The following ZW10 variants were observed in gnomAD, a reference collection of about 807,000 sequenced individuals.
ZW10 encodes zw10 kinetochore protein, also known as centromere/kinetochore protein zw10 homolog.
ZW10 carries 53 observed loss-of-function variants against 87.8 expected under a neutral mutation model. That is an observed-to-expected ratio of 0.60 (90% CI 0.48 to 0.76). The LOEUF (loss-of-function observed/expected upper bound fraction) is 0.76, where lower values mean the gene tolerates loss of function less well. ZW10 is among the 30% of genes least tolerant of loss of function. ZW10 has a pLI of 0.00. For missense variants in ZW10, 837 were observed against 923.0 expected (o/e 0.91, Z 1.21); for synonymous variants, 312 against 329.2 (o/e 0.95, Z 0.57).
chr11:113,742,596 A>C (rs1210650744), intron 10 of ZW10, among the ~76,000 whole-genome samples: 1 of 152,220 alleles, frequency 6.6e-6, no homozygotes, highest in African/African-American at 2.4e-5. Flanking sequence ...AGTGGAAAGA[A>C]TGTCCATAGA....
intron 2 of ZW10, 44 bp from the exon 3 acceptor site, chr11:113,760,962 C>A (rs757070329): frequency 6.7e-7 from 1 of 1,493,460 alleles, no homozygotes; most frequent in Non-Finnish European, 9.2e-7. Flanking sequence ...CTATACCATA[C>A]CTAAGAAATA....
intron 6 of ZW10, 100 bp from the exon 7 acceptor site, chr11:113,757,953 A>G: frequency 1.0e-6 from 1 of 960,220 alleles, no homozygotes; most frequent in Non-Finnish European, 1.5e-6. Flanking sequence ...TGGGAGGCCG[A>G]GGCAGGTGGA....
intron 1 of ZW10, chr11:113,769,741 C>T: frequency 3.5e-5 from 15 of 422,706 alleles, no homozygotes; most frequent in South Asian, 2.9e-4. Context: ...AGGATTAATG[C>T]CTGTGGTTTC....
At chr11:113,773,231 C>T (rs1396056166) in intron 1 of ZW10, among the ~76,000 whole-genome samples, 1 of 151,924 alleles carries the variant, frequency 6.6e-6, no homozygotes, top group Non-Finnish European at 1.5e-5. Flanking sequence ...CTGGTCTCTT[C>T]AGTCTCCCTC....
In ZW10 at chr11:113,733,677, T is replaced by A; in HGVS notation, c.*17A>T. On this transcript the variant is annotated 3_prime_UTR_variant, in exon 16 of 16. Transcript: ENST00000200135. Reference sequence around the variant, plus strand: ...GAATCCACATATTCAAGACATAGCTTTCTTAAGAAGATGGAGCTATTTAAT... The same window carrying A: ...GAATCCACATATTCAAGACATAGCTATCTTAAGAAGATGGAGCTATTTAAT... 1.2e-6 allele frequency: 2 copies of A among 1,613,798 alleles called. No homozygotes were observed. The highest frequency in any genetic ancestry group is 2.2e-5 in the South Asian group (2 of 91,060).
At chr11:113,772,802 G>A (rs184078689) in intron 1 of ZW10, among the ~76,000 whole-genome samples, 49 of 139,528 alleles carry the variant, frequency 3.5e-4, no homozygotes, top group Admixed American at 3.2e-3. Flanking sequence ...GTGAAACTCC[G>A]TCTGTACTAA....
At chr11:113,751,256 A>G in intron 7 of ZW10, 1 of 299,062 alleles carries the variant, frequency 3.3e-6, no homozygotes, top group Non-Finnish European at 7.0e-6. Flanking sequence ...AATTTTCACC[A>G]GTGGCTCCAG....
Position 113,749,982 on chromosome 11 carries a change from T to C in ZW10, c.926-1562A>G, listed in dbSNP as rs530812988. Among the ~76,000 whole-genome samples the C allele has an allele frequency of 4.6e-5, 7 of 152,368 alleles. No homozygotes were observed. In the East Asian group the frequency reaches 7.7e-4, roughly 17 times the overall value. On this transcript the variant is annotated intron_variant, in intron 7 of 15. Transcript: ENST00000200135. ...TAACATAACATTGTAATGTGTTTATTTGAATATTTTATGCATAGAGCGCAA... is the reference window on the plus strand; with the variant it reads ...TAACATAACATTGTAATGTGTTTATCTGAATATTTTATGCATAGAGCGCAA...
intron 7 of ZW10, among the ~76,000 whole-genome samples, chr11:113,755,103 AC>A (rs796086448): frequency 3.8e-4 from 58 of 152,356 alleles, no homozygotes; most frequent in African/African-American, 1.3e-3. Context: ...GCCTGCTAAC[AC>A]CATCCATCTG....
chr11:113,736,804 C>T lies in ZW10; in HGVS notation c.2035G>A (p.Gly679Ser). ...TALEDISTED[G>S]DRLYSLCKTV... is the part of the protein sequence containing the mutation. ...TTGCATAAGGAATATAACCTATCAC[C>T]ATCTTCAGTAGATATGTCCTGGTTT... Residue 679 changes from glycine (G) to serine (S), a missense_variant, in exon 15 of 16, where the codon GGT (glycine) becomes AGT (serine). Coordinates refer to ENST00000200135, the MANE Select transcript of ZW10 (RefSeq NM_004724.4). 1 of 1,614,134 alleles carries T rather than the reference C, an allele frequency of 6.2e-7. No homozygotes were observed. The highest frequency in any genetic ancestry group is 8.5e-7 in the Non-Finnish European group (1 of 1,180,014).
intron 15 of ZW10, among the ~76,000 whole-genome samples, chr11:113,735,547 T>C (rs563224649): frequency 6.6e-6 from 1 of 152,252 alleles, no homozygotes; most frequent in Non-Finnish European, 1.5e-5. Flanking sequence ...CAGACATCTG[T>C]AGTAAACCAA....
intron 2 of ZW10, among the ~76,000 whole-genome samples, chr11:113,767,158 C>T (rs1953916717): frequency 6.7e-6 from 1 of 148,170 alleles, no homozygotes; most frequent in Admixed American, 6.8e-5. Flanking sequence ...AATCAGCCTG[C>T]TTACCAAACT....
chr11:113,748,512 G>T, intron 7 of ZW10, 92 bp from the exon 8 acceptor site: 1 of 1,127,380 alleles, frequency 8.9e-7, no homozygotes. Context: ...ATTTTAAGAT[G>T]ATGGGGAAGA....
chr11:113,747,707 G>A lies in ZW10; in HGVS notation c.1096C>T (p.Gln366Ter), dbSNP rs1185117292. The A allele has an allele frequency of 6.3e-7, 1 of 1,598,600 alleles. No homozygotes were observed. The highest frequency in any genetic ancestry group is 1.3e-5 in the African/African-American group (1 of 74,314). The change falls in exon 9 of 16, where the codon CAG (glutamine) becomes TAG (stop). Residue 366 changes from glutamine to a stop codon, truncating the protein, a stop_gained. Transcript: ENST00000200135. LOFTEE classifies it high-confidence loss of function. ...SKLQQYEEII[Q>*]STEEFENALK... ...GCATTTTCAAATTCTTCAGTGGACT[G>A]TATGATCTGAGATACAAAAGAAAAA...
rs985948827 is a variant in ZW10, at chr11:113,746,114, G to A, written c.1272+1417C>T. ...ATCCCATAGGACAGTCCCCCACAGCGAAGAATTAGCCGGTCCCAAATGTTA... is the reference window on the plus strand; with the variant it reads ...ATCCCATAGGACAGTCCCCCACAGCAAAGAATTAGCCGGTCCCAAATGTTA... On this transcript the variant is annotated intron_variant, in intron 9 of 15. Coordinates refer to ENST00000200135, the MANE Select transcript of ZW10 (RefSeq NM_004724.4). Among the ~76,000 whole-genome samples the A allele has an allele frequency of 7.2e-5, 11 of 152,330 alleles. No homozygotes were observed. The South Asian group carries it at 1.0e-3, about 14-fold the overall frequency.
intron 10 of ZW10, among the ~76,000 whole-genome samples, chr11:113,743,352 A>C (rs1162064610): frequency 6.6e-6 from 1 of 152,216 alleles, no homozygotes; most frequent in Non-Finnish European, 1.5e-5. Flanking sequence ...GGAATAGAAG[A>C]TATAACTATT....
chr11:113,752,554 C>T (rs746811715), intron 7 of ZW10, among the ~76,000 whole-genome samples: 16 of 152,208 alleles, frequency 1.1e-4, no homozygotes, highest in Non-Finnish European at 1.8e-4. Context: ...ATATCTGTGT[C>T]ACATTTTGGC....
intron 2 of ZW10, among the ~76,000 whole-genome samples, chr11:113,761,200 C>T (rs979672760): frequency 1.2e-4 from 19 of 152,162 alleles, no homozygotes; most frequent in African/African-American, 4.6e-4. Flanking sequence ...CATCAGAGAG[C>T]TCACCCACCT....
At chr11:113,760,784 C>A in intron 3 of ZW10, 33 bp downstream of exon 3, 1 of 1,592,610 alleles carries the variant, frequency 6.3e-7, no homozygotes, top group South Asian at 1.1e-5. Context: ...TTCCCACCAC[C>A]AAAACACTAA....
Sources: allele counts gnomAD v4.1 joint callset (sites outside exome capture counted in the v4.1 genomes callset), GRCh38; gene constraint gnomAD v4.1.1; transcripts MANE v1.5; gene names NCBI Gene and HGNC (gene_info 2026-07-23, HGNC 2026-07-21).